GRM8: variants seen among roughly 807,000 people sequenced by gnomAD.
GRM8 encodes glutamate metabotropic receptor 8.
Under a neutral mutation model 87.2 loss-of-function variants are expected in GRM8, and 47 were observed. The observed-to-expected ratio is 0.54, with a 90% CI of 0.43 to 0.69. GRM8 has a LOEUF of 0.69. Among genes scored for constraint, GRM8 ranks in the 30% least tolerant of loss-of-function variants. GRM8 has a pLI of 0.00. For missense variants in GRM8, 1,019 were observed against 1,139.2 expected (o/e 0.89, Z 1.52); for synonymous variants, 396 against 404.5 (o/e 0.98, Z 0.25).
chr7:126,572,396 C>A (rs769699625), intron 8 of GRM8, among the ~76,000 whole-genome samples: 1 of 152,080 alleles, frequency 6.6e-6, no homozygotes, highest in Non-Finnish European at 1.5e-5. Flanking sequence ...TATTCCAATG[C>A]TGATAGATAG....
intron 9 of GRM8, among the ~76,000 whole-genome samples, chr7:126,524,144 G>T (rs1018675991): frequency 2.0e-5 from 3 of 151,956 alleles, no homozygotes; most frequent in African/African-American, 7.3e-5. Flanking sequence ...AACCACCAGG[G>T]TCTAATATAT....
chr7:126,608,328 C>T (rs552609494), intron 8 of GRM8, among the ~76,000 whole-genome samples: 1 of 152,138 alleles, frequency 6.6e-6, no homozygotes, highest in Non-Finnish European at 1.5e-5. Flanking sequence ...CCTGAGACAC[C>T]TGATGAAGTT....
rs1802191773 is a variant in GRM8 at position 126,902,485 on chromosome 7, TAATGAAAACA to T, written c.1156+47_1156+56del. On this transcript the variant is annotated intron_variant, in intron 6 of 10. Transcript: ENST00000339582. The stretch of plus-strand genomic sequence containing the variant: ...ATATAGAAAAACGTAATTTATCAAG[TAATGAAAACA>T]AATGAAAATGAAATAAATGCACCAC... 1.8e-5 allele frequency: 25 copies of T among 1,367,522 alleles called. No homozygotes were observed. In the South Asian group the frequency reaches 3.4e-4, roughly 18 times the overall value. The allele number at this position is 1,367,522 out of a possible 1,614,324, so 84.7% of individuals were successfully genotyped here.
At chr7:126,535,049 T>C (rs1363271321) in intron 8 of GRM8, among the ~76,000 whole-genome samples, 3 of 152,008 alleles carry the variant, frequency 2.0e-5, no homozygotes, top group South Asian at 4.2e-4. Context: ...CAAAGGGAGA[T>C]GAAGGAATGT....
At chr7:126,704,635 G>A (rs983245498) in intron 7 of GRM8, among the ~76,000 whole-genome samples, 3 of 152,106 alleles carry the variant, frequency 2.0e-5, no homozygotes, top group Non-Finnish European at 4.4e-5. Context: ...ATGCGCCCCT[G>A]AGGATAGGTC....
intron 9 of GRM8, among the ~76,000 whole-genome samples, chr7:126,479,139 T>C (rs1806356632): frequency 6.6e-6 from 1 of 152,126 alleles, no homozygotes; most frequent in South Asian, 2.1e-4. Flanking sequence ...TAATATTCTG[T>C]TCTTCACAAG....
chr7:127,116,965 T>A (rs1434887254), intron 2 of GRM8, among the ~76,000 whole-genome samples: 1 of 152,222 alleles, frequency 6.6e-6, no homozygotes, highest in Admixed American at 6.5e-5. Context: ...CACAGATCTC[T>A]GAGTCCTGAG....
intron 2 of GRM8, among the ~76,000 whole-genome samples, chr7:127,160,186 A>G (rs1793009908): frequency 6.6e-6 from 1 of 152,056 alleles, no homozygotes; most frequent in Non-Finnish European, 1.5e-5. Context: ...AGCCACCAAT[A>G]TACACTCTGA....
At chr7:126,622,559 C>T (rs1800287081) in intron 7 of GRM8, among the ~76,000 whole-genome samples, 1 of 152,176 alleles carries the variant, frequency 6.6e-6, no homozygotes, top group South Asian at 2.1e-4. Flanking sequence ...AACACATATC[C>T]CAGGTCCAAT....
chr7:126,467,128 A>T (rs1197093128), intron 9 of GRM8, among the ~76,000 whole-genome samples: 1 of 151,582 alleles, frequency 6.6e-6, no homozygotes, highest in Admixed American at 6.6e-5. Context: ...ATTTCCCCTA[A>T]TGCTATCCCT....
chr7:127,077,527 T>C (rs1056373375), intron 3 of GRM8, among the ~76,000 whole-genome samples: 5 of 152,154 alleles, frequency 3.3e-5, no homozygotes, highest in African/African-American at 7.2e-5. Context: ...CTCTGTCCTA[T>C]ATCATATGTG....
At chr7:126,463,206 G>C (rs933576834) in intron 9 of GRM8, among the ~76,000 whole-genome samples, 6 of 151,592 alleles carry the variant, frequency 4.0e-5, no homozygotes, top group African/African-American at 1.5e-4. Flanking sequence ...GGAAGACATA[G>C]GGGTTCCTGA....
chr7:126,642,342 A>G (rs1802492714), intron 7 of GRM8, among the ~76,000 whole-genome samples: 1 of 152,162 alleles, frequency 6.6e-6, no homozygotes, highest in African/African-American at 2.4e-5. Flanking sequence ...TGTCATCAAA[A>G]AAGATGATAC....
rs1313485703 is a variant in GRM8 at position 126,959,881 on chromosome 7, A to G, written c.728-55198T>C. On this transcript the variant is annotated intron_variant, in intron 3 of 10. Coordinates refer to ENST00000339582, the MANE Select transcript of GRM8 (RefSeq NM_000845.3). The stretch of plus-strand genomic sequence containing the variant: ...TTGTTAGCTGCATGGCACTGAATAA[A>G]TTAATTATCCTCTCTAAACTCAGCT... 2.0e-5 allele frequency among the ~76,000 whole-genome samples: 3 copies of G among 152,220 alleles called. No homozygotes were observed. In the East Asian group the frequency reaches 5.8e-4, roughly 29 times the overall value.
intron 7 of GRM8, among the ~76,000 whole-genome samples, chr7:126,719,823 G>T (rs1585654633): frequency 7.3e-6 from 1 of 136,752 alleles, no homozygotes. Context: ...AGCAGCAGCT[G>T]TTAGTTTAAA....
intron 6 of GRM8, among the ~76,000 whole-genome samples, chr7:126,798,912 A>T (rs1323628058): frequency 6.6e-6 from 1 of 152,128 alleles, no homozygotes; most frequent in Non-Finnish European, 1.5e-5. Context: ...CAGAAAGAAC[A>T]ACAGTGATAA....
intron 6 of GRM8, among the ~76,000 whole-genome samples, chr7:126,779,839 A>G (rs1185664944): frequency 6.6e-6 from 1 of 152,186 alleles, no homozygotes; most frequent in Non-Finnish European, 1.5e-5. Context: ...CTTCTACACA[A>G]CACGGAAAAA....
At chr7:126,660,296 TA>T (rs1805011061) in intron 7 of GRM8, among the ~76,000 whole-genome samples, 2 of 152,282 alleles carry the variant, frequency 1.3e-5, no homozygotes, top group South Asian at 4.1e-4. Flanking sequence ...TAATAAGTAG[TA>T]CTAGTATTTG....
At chr7:126,762,001 T>A (rs557783334) in intron 7 of GRM8, among the ~76,000 whole-genome samples, 29 of 152,260 alleles carry the variant, frequency 1.9e-4, no homozygotes, top group African/African-American at 6.3e-4. Flanking sequence ...CTTATCAAAT[T>A]GAATTATTGT....
Sources: gnomAD v4.1 joint callset for allele counts (sites outside exome capture counted in the v4.1 genomes callset) on GRCh38, gnomAD v4.1.1 for gene constraint, MANE v1.5 for transcripts, NCBI Gene and HGNC (gene_info 2026-07-23, HGNC 2026-07-21) for gene names.